Variants in DNAH12 observed in about 807,000 individuals in gnomAD.
DNAH12 encodes the protein axonemal beta dynein heavy chain 12.
In DNAH12, 285 loss-of-function variants were observed where a neutral mutation model predicts 371.5. The ratio of observed to expected loss-of-function variants is 0.77; its 90% CI spans 0.70 to 0.85. The LOEUF is 0.85. Among genes scored for constraint, DNAH12 ranks in the 40% least tolerant of loss-of-function variants. The pLI is 0.00. For synonymous variants in DNAH12, 1,200 were observed against 1,213.0 expected, an observed-to-expected ratio of 0.99 and a Z score of 0.22; for missense variants, 3,611 against 3,689.4, an observed-to-expected ratio of 0.98 and a Z score of 0.55.
intron 59 of DNAH12, among the ~76,000 whole-genome samples, chr3:57,354,551 A>AAAAAAAAAAAAAG (rs2062754769): frequency 7.2e-6 from 1 of 139,512 alleles, no homozygotes; most frequent in African/African-American, 2.6e-5. Context: ...AAAAAAAAAG[A>AAAAAAAAAAAAAG]AAAAAAAAAA....
intron 17 of DNAH12, among the ~76,000 whole-genome samples, chr3:57,464,627 A>T (rs1176220715): frequency 6.6e-6 from 1 of 152,156 alleles, no homozygotes; most frequent in East Asian, 1.9e-4. Flanking sequence ...ACAGGGAACC[A>T]TGATCTCCAC....
At chr3:57,524,305 A>G (rs112935705) in intron 2 of DNAH12, among the ~76,000 whole-genome samples, 3,544 of 152,248 alleles carry the variant, frequency 0.023, 129 homozygotes, top group African/African-American at 0.078. Flanking sequence ...ATCGTTTGAT[A>G]TAGAATATTT....
rs2064579909 is a variant in DNAH12, at chr3:57,421,557, T to G, written c.5523A>C (p.Pro1841=). The G allele has an allele frequency of 1.3e-6, 2 of 1,551,660 alleles. No homozygotes were observed. Among genetic ancestry groups the G allele is most frequent in the Non-Finnish European group, 1.7e-6 (2 of 1,146,988 alleles). ...CATAGACCAGGCCTTTTTCATCAAA[T>G]GGGCATTCCCATTTACCCACAGAAT... ...VPDSVGKWEC[P]FDEKGLVYDY... is the part of the protein sequence containing the mutation. Residue 1841 remains proline (P), a synonymous_variant, in exon 36 of 74, where the codon CCA becomes CCC. Coordinates refer to ENST00000495027, the MANE Select transcript of DNAH12 (RefSeq NM_001366028.2).
intron 40 of DNAH12, among the ~76,000 whole-genome samples, chr3:57,406,894 C>T (rs1305398923): frequency 6.6e-6 from 1 of 151,848 alleles, no homozygotes; most frequent in East Asian, 1.9e-4. Context: ...AAAAGGAAAA[C>T]AAAAAAACTT....
chr3:57,475,348 G>C (rs761565838), intron 13 of DNAH12, among the ~76,000 whole-genome samples: 4 of 152,016 alleles, frequency 2.6e-5, no homozygotes, highest in Non-Finnish European at 5.9e-5. Flanking sequence ...GAGAAAGAGA[G>C]AGACAAAGAA....
At chr3:57,495,275 G>A (rs1236345653) in intron 11 of DNAH12, among the ~76,000 whole-genome samples, 1 of 151,960 alleles carries the variant, frequency 6.6e-6, no homozygotes, top group Admixed American at 6.6e-5. Context: ...AATATAATCA[G>A]GGGCCAGGCA....
Position 57,350,167 on chromosome 3 carries a change from TACACATTA to T in DNAH12, c.9674+1910_9674+1917del, listed in dbSNP as rs1553659665. Among the ~76,000 whole-genome samples the T allele has an allele frequency of 2.8e-3, 432 of 152,284 alleles. 2 individuals are homozygous for T. Among genetic ancestry groups the T allele is most frequent in the African/African-American group, 9.8e-3 (408 of 41,548 alleles). On this transcript the variant is annotated intron_variant, in intron 60 of 73. Transcript: ENST00000495027. ...TGGGGGGTGGAGAGGGATAAGAGAC[TACACATTA>T]GGTACAGTGTACACTGCTCTGGTGA...
chr3:57,510,295 T>C (rs2067938737), intron 5 of DNAH12, among the ~76,000 whole-genome samples: 2 of 152,104 alleles, frequency 1.3e-5, no homozygotes, highest in African/African-American at 4.8e-5. Context: ...GATTTTGACT[T>C]AAGTATAGAC....
At chr3:57,474,377 A>C (rs1489747273) in intron 13 of DNAH12, among the ~76,000 whole-genome samples, 3 of 152,008 alleles carry the variant, frequency 2.0e-5, no homozygotes, top group Non-Finnish European at 2.9e-5. Context: ...GCTCACTGCA[A>C]CCTCCGCCTC....
At chr3:57,554,143 C>CGGGCGT in the DNAH12 span, among the ~76,000 whole-genome samples, 10,051 of 133,506 alleles carry the variant, frequency 0.075, 1,357 homozygotes, top group African/African-American at 0.16. Context: ...AAAAATTAGC[C>CGGGCGT]AGACATGGCA....
intron 58 of DNAH12, among the ~76,000 whole-genome samples, chr3:57,360,879 A>G (rs1299982911): frequency 2.6e-5 from 4 of 152,186 alleles, no homozygotes; most frequent in Non-Finnish European, 4.4e-5. Context: ...CCTGAAGATC[A>G]ATAACGTTAG....
intron 43 of DNAH12, chr3:57,402,411 C>A: frequency 1.5e-6 from 2 of 1,304,922 alleles, no homozygotes; most frequent in Middle Eastern, 2.1e-4. Flanking sequence ...CTGTTGGTCA[C>A]CGGGACAGCA....
rs1372141673 is a variant in DNAH12 at position 57,405,711 on chromosome 3, T to TC, written c.6517dup (p.Asp2173GlyfsTer4). ...ACTGTGAAATGATTCTTTAAAATGG[T>TC]CCTTTATAACAGTTTTAGTTAACTG... is the stretch of plus-strand genomic sequence containing the variant. On this transcript the variant is annotated frameshift_variant, in exon 41 of 74. Transcript: ENST00000495027. LOFTEE classifies it high-confidence loss of function. 4 of 1,551,582 alleles carry TC rather than the reference T, an allele frequency of 2.6e-6. No homozygotes were observed. The African/African-American group carries it at 5.5e-5, about 21-fold the overall frequency.
At chr3:57,432,043 C>T (rs1281072842) in intron 32 of DNAH12, among the ~76,000 whole-genome samples, 3 of 152,094 alleles carry the variant, frequency 2.0e-5, no homozygotes, top group Admixed American at 6.6e-5. Context: ...CTTCACTCTA[C>T]AATTAGAATA....
intron 39 of DNAH12, among the ~76,000 whole-genome samples, chr3:57,410,849 A>G (rs11706849): frequency 0.29 from 43,155 of 151,300 alleles, 7,518 homozygotes; most frequent in Non-Finnish European, 0.4. Context: ...ACGTCCTAGT[A>G]AACTAGGAAT....
At chr3:57,491,306 G>C (rs2153386009) in intron 11 of DNAH12, among the ~76,000 whole-genome samples, 1 of 151,952 alleles carries the variant, frequency 6.6e-6, no homozygotes, top group East Asian at 1.9e-4. Flanking sequence ...GAAATGTCAG[G>C]GTAATAGTTA....
Position 57,446,202 on chromosome 3 carries a change from T to C in DNAH12, c.4008A>G (p.Glu1336=). The C allele has an allele frequency of 6.4e-7, 1 of 1,551,760 alleles. No homozygotes were observed. The highest frequency in any genetic ancestry group is 2.4e-5 in the East Asian group (1 of 40,904). The change falls in exon 27 of 74, where the codon GAA becomes GAG. Residue 1336 remains glutamate, a synonymous_variant. Transcript: ENST00000495027. ...CFDEFNRIEL[E]VLSVVAQQIL... The stretch of plus-strand genomic sequence containing the variant: ...TCTGTTGAGCTACCACTGACAACAC[T>C]TCCAACTCAATTCGATTGAATTCAT...
At chr3:57,458,249 C>A (rs551692394) in intron 20 of DNAH12, 29 bp from the exon 21 acceptor site, 2 of 1,525,078 alleles carry the variant, frequency 1.3e-6, no homozygotes, top group Non-Finnish European at 1.8e-6. Flanking sequence ...TTCAAGTCAG[C>A]ACTTTTATGC....
At position 57,433,424 on chromosome 3, in the gene DNAH12, A is replaced by G; in HGVS notation, c.4923T>C (p.Gly1641=). 1 of 1,551,536 alleles carries G rather than the reference A, an allele frequency of 6.4e-7. No individual in the cohort carries two copies. Among genetic ancestry groups the G allele is most frequent in the Non-Finnish European group, 8.7e-7 (1 of 1,146,930 alleles). The change falls in exon 32 of 74, where the codon GGT becomes GGC. Residue 1641 remains glycine (G), a synonymous_variant. Transcript: ENST00000495027. ...TPDRKWVVFD[G]PIDTLWIESM... is the part of the protein sequence containing the mutation. ...TCTCTATCCACAAAGTGTCAATAGG[A>G]CCATCAAATACAACCCATTTCCGGT...
Sources: gnomAD v4.1 joint callset for allele counts (sites outside exome capture counted in the v4.1 genomes callset) on GRCh38, gnomAD v4.1.1 for gene constraint, MANE v1.5 for transcripts, NCBI Gene and HGNC (gene_info 2026-07-23, HGNC 2026-07-21) for gene names.